The following ZNF544 variants were observed in gnomAD, a reference collection of about 807,000 sequenced individuals.
ZNF544 encodes zinc finger protein 544.
ZNF544 carries 10 observed loss-of-function variants against 13.5 expected under a neutral mutation model. The ratio of observed to expected loss-of-function variants is 0.74; its 90% confidence interval spans 0.46 to 1.25. The LOEUF (loss-of-function observed/expected upper bound fraction) is 1.25, where lower values mean the gene tolerates loss of function less well. Ranked by LOEUF, ZNF544 falls within the 50% of genes most tolerant of loss-of-function variation. The pLI, the probability that ZNF544 is intolerant of heterozygous loss-of-function variation, is 0.00. For synonymous variants in ZNF544, 323 were observed against 300.5 expected, an observed-to-expected ratio of 1.07 and a Z score of -0.77; for missense variants, 896 against 845.6, an observed-to-expected ratio of 1.06 and a Z score of -0.74.
rs1035865217 is a variant in ZNF544, at chr19:58,263,033, T to C, written c.*279T>C. The C allele has an allele frequency of 8.4e-6, 10 of 1,184,734 alleles. No individual in the cohort carries two copies. The African/African-American group carries it at 1.4e-4, about 17-fold the overall frequency. 73.4% of individuals were successfully genotyped at this position (1,184,734 alleles called of 1,614,324 possible). A position where few individuals can be genotyped will look rare whatever the true frequency, so the allele number is the denominator to read the frequency against. ...TTGCGAGAAAGCCTTTAGCCAACGG[T>C]GTCAACTTACTAGGCAGCAGAGAAT... is the stretch of plus-strand genomic sequence containing the variant. On this transcript the variant is annotated 3_prime_UTR_variant, in exon 7 of 7. Transcript: ENST00000687789.
intron 5 of ZNF544, among the ~76,000 whole-genome samples, chr19:58,270,503 T>G (rs747718405): frequency 6.6e-6 from 1 of 152,156 alleles, no homozygotes; most frequent in Non-Finnish European, 1.5e-5. Context: ...GGTTTCACCA[T>G]GTTGGTCAGG....
intron 5 of ZNF544, among the ~76,000 whole-genome samples, chr19:58,272,138 G>A (rs928545604): frequency 6.6e-6 from 1 of 150,502 alleles, no homozygotes; most frequent in African/African-American, 2.5e-5. Flanking sequence ...TCTAGCCTGG[G>A]CAACAGAGTG....
chr19:58,241,921 T>TTCTCTCTCTCTCTC lies in ZNF544; in HGVS notation c.-59-2034_-59-2021dup, dbSNP rs143693031. ...TTTCAGCACTGAATTTGCTGTTCAC[T>TTCTCTCTCTCTCTC]TCTCTCTCTCTCTCTCTCTCTCTTT... On this transcript the variant is annotated intron_variant, in intron 3 of 6. Coordinates refer to ENST00000687789, the MANE Select transcript of ZNF544 (RefSeq NM_014480.4). Among the ~76,000 whole-genome samples, 8 of 149,602 alleles carry TTCTCTCTCTCTCTC rather than the reference T, an allele frequency of 5.3e-5. No homozygotes were observed. The East Asian group carries it at 1.4e-3, about 26-fold the overall frequency.
chr19:58,247,081 G>T (rs1346700448), intron 6 of ZNF544, among the ~76,000 whole-genome samples: 1 of 151,556 alleles, frequency 6.6e-6, no homozygotes, highest in Non-Finnish European at 1.5e-5. Context: ...TTTAATTAAT[G>T]TATGTATTTA....
Position 58,263,096 on chromosome 19 carries a change from TG to T in ZNF544, c.*344del. The T allele has an allele frequency of 9.5e-7, 1 of 1,048,070 alleles. No homozygotes were observed. The highest frequency in any genetic ancestry group is 1.2e-6 in the Non-Finnish European group (1 of 868,064). 64.9% of individuals were successfully genotyped at this position (1,048,070 alleles called of 1,614,324 possible). A position where few individuals can be genotyped will look rare whatever the true frequency, so the allele number is the denominator to read the frequency against. ...GAAGCCCTGTGAATGTTAACAAATG[TG>T]GAAAAGCTTCCAGTTATGATACTTT... On this transcript the variant is annotated 3_prime_UTR_variant, in exon 7 of 7. Coordinates refer to ENST00000687789, the MANE Select transcript of ZNF544 (RefSeq NM_014480.4).
intron 2 of ZNF544, 142 bp downstream of exon 2, chr19:58,229,712 A>G (rs2040792692): frequency 6.6e-6 from 1 of 152,390 alleles, no homozygotes; most frequent in South Asian, 2.1e-4. Flanking sequence ...CCATAGAGAG[A>G]CTACAGAGGT....
intron 5 of ZNF544, among the ~76,000 whole-genome samples, chr19:58,272,664 C>T (rs1037032003): frequency 6.6e-6 from 1 of 152,114 alleles, no homozygotes; most frequent in Middle Eastern, 3.4e-3. Context: ...GCGGGAGAAT[C>T]ATGAGGTCAG....
intron 6 of ZNF544, among the ~76,000 whole-genome samples, chr19:58,256,794 T>A (rs201033739): frequency 2.0e-5 from 3 of 152,178 alleles, no homozygotes; most frequent in African/African-American, 7.2e-5. Context: ...GAGCCCTTAG[T>A]GTCTTGTAAA....
chr19:58,262,991 C>T lies in ZNF544; in HGVS notation c.*237C>T. ...CGAGAGGACACACACTGGAGGCAAA[C>T]CCTATGAATGTGACCATTGCGAGAA... On this transcript the variant is annotated 3_prime_UTR_variant, in exon 7 of 7. Coordinates refer to ENST00000687789, the MANE Select transcript of ZNF544 (RefSeq NM_014480.4). The T allele has an allele frequency of 1.5e-6, 2 of 1,332,680 alleles. No homozygotes were observed. Among genetic ancestry groups the T allele is most frequent in the South Asian group, 3.8e-5 (2 of 52,610 alleles). 82.6% of individuals were successfully genotyped at this position (1,332,680 alleles called of 1,614,324 possible). A position where few individuals can be genotyped will look rare whatever the true frequency, so the allele number is the denominator to read the frequency against.
chr19:58,264,605 T>G (rs2049607239), downstream of ZNF544, among the ~76,000 whole-genome samples: 1 of 151,030 alleles, frequency 6.6e-6, no homozygotes, highest in Non-Finnish European at 1.5e-5. Flanking sequence ...GCATGAGAAT[T>G]GCTTGAACCT....
In ZNF544 at chr19:58,246,287, G is replaced by A. The variant is rs766673886; in HGVS notation, c.34-14G>A. 3 of 1,613,766 alleles carry A rather than the reference G, an allele frequency of 1.9e-6. No individual in the cohort carries two copies. In the Admixed American group the frequency reaches 5.0e-5, roughly 27 times the overall value. ...ACCTGGGGTCTCTGAGCAGTAACAA[G>A]TGCCCTGTTTCAGGCATCTGTGTGC... On this transcript the variant is annotated splice_polypyrimidine_tract_variant and intron_variant, in intron 4 of 6. Coordinates refer to ENST00000687789, the MANE Select transcript of ZNF544 (RefSeq NM_014480.4).
chr19:58,262,196 C>T lies in ZNF544; in HGVS notation c.1590C>T (p.Ser530=). ...GCAACCTGTGTGGGAAATCCTTCTC[C>T]CAGAGTTCCAAACTTATTACGCATC... ...YECNLCGKSF[S]QSSKLITHQR... Residue 530 remains serine (S), a synonymous_variant, in exon 7 of 7, where the codon TCC becomes TCT. Transcript: ENST00000687789. 1 of 1,613,514 alleles carries T rather than the reference C, an allele frequency of 6.2e-7. No homozygotes were observed. Among genetic ancestry groups the T allele is most frequent in the Non-Finnish European group, 8.5e-7 (1 of 1,179,888 alleles).
chr19:58,270,341 G>A (rs1274906505), intron 5 of ZNF544, among the ~76,000 whole-genome samples: 1 of 141,752 alleles, frequency 7.1e-6, no homozygotes, highest in African/African-American at 2.6e-5. Context: ...AGTCTCTGTT[G>A]CCCAGTCTGG....
Position 58,263,316 on chromosome 19 carries a change from C to G in ZNF544, c.*562C>G, listed in dbSNP as rs114643724. On this transcript the variant is annotated 3_prime_UTR_variant, in exon 7 of 7. Coordinates refer to ENST00000687789, the MANE Select transcript of ZNF544 (RefSeq NM_014480.4). ...TCTTTACAAAAAATACAAAAATTAG[C>G]CTAGCATGGTGGCGCATACCTGTAG... The G allele has an allele frequency of 1.2e-6, 1 of 864,794 alleles. No individual in the cohort carries two copies. Among genetic ancestry groups the G allele is most frequent in the Non-Finnish European group, 1.4e-6 (1 of 719,680 alleles). 53.6% of individuals were successfully genotyped at this position (864,794 alleles called of 1,614,324 possible).
intron 6 of ZNF544, among the ~76,000 whole-genome samples, chr19:58,251,976 A>G (rs1190799045): frequency 6.6e-6 from 1 of 152,192 alleles, no homozygotes; most frequent in Non-Finnish European, 1.5e-5. Context: ...AGGTAACCCA[A>G]ACCAGGGGAT....
At chr19:58,244,533 GGA>G (rs1389802932) in intron 4 of ZNF544, among the ~76,000 whole-genome samples, 4 of 151,958 alleles carry the variant, frequency 2.6e-5, no homozygotes, top group African/African-American at 9.7e-5. Context: ...TATGTAGTGA[GGA>G]GAGAGAGTGA....
intron 6 of ZNF544, among the ~76,000 whole-genome samples, chr19:58,256,618 C>G (rs1414374844): frequency 6.6e-6 from 1 of 152,166 alleles, no homozygotes; most frequent in African/African-American, 2.4e-5. Flanking sequence ...TATATAGGGT[C>G]TATGCCGGAC....
chr19:58,257,209 C>T (rs953551539), intron 6 of ZNF544: 1 of 152,244 alleles, frequency 6.6e-6, no homozygotes, highest in Non-Finnish European at 1.5e-5. Context: ...GCATGAGCCA[C>T]CACGCCTGGC....
intron 6 of ZNF544, among the ~76,000 whole-genome samples, chr19:58,250,617 C>G (rs1366469747): frequency 6.6e-6 from 1 of 152,132 alleles, no homozygotes; most frequent in African/African-American, 2.4e-5. Flanking sequence ...CAGGGCCTGA[C>G]CAAAATTTTG....
Sources: gnomAD v4.1 joint callset for allele counts (sites outside exome capture counted in the v4.1 genomes callset) on GRCh38, gnomAD v4.1.1 for gene constraint, MANE v1.5 for transcripts, NCBI Gene and HGNC (gene_info 2026-07-23, HGNC 2026-07-21) for gene names.